The following ATP6V1C1 variants were observed in gnomAD, a reference collection of about 807,000 sequenced individuals.
The protein encoded by ATP6V1C1 is ATPase H+ transporting V1 subunit C1.
In ATP6V1C1, 45 loss-of-function variants were observed where a neutral mutation model predicts 53.9. The observed-to-expected ratio is 0.83, with a 90% CI of 0.66 to 1.07. The LOEUF is 1.07. ATP6V1C1 is among the 50% of genes least tolerant of loss of function. ATP6V1C1 has a pLI of 0.00. For synonymous variants in ATP6V1C1, 153 were observed against 155.2 expected (o/e 0.99, Z 0.11); for missense variants, 315 against 440.3 (o/e 0.72, Z 2.55).
intron 8 of ATP6V1C1, among the ~76,000 whole-genome samples, chr8:103,059,185 C>T (rs1223229607): frequency 1.3e-5 from 2 of 152,180 alleles, no homozygotes; most frequent in African/African-American, 2.4e-5. Flanking sequence ...ATACTGGCCA[C>T]TGTCCAGAAG....
At chr8:103,061,784 T>G (rs1433858322) in intron 8 of ATP6V1C1, among the ~76,000 whole-genome samples, 1 of 152,160 alleles carries the variant, frequency 6.6e-6, no homozygotes, top group Non-Finnish European at 1.5e-5. Context: ...GAGAAGAGAT[T>G]CCCCTCAGTA....
intron 1 of ATP6V1C1, among the ~76,000 whole-genome samples, chr8:103,040,288 G>A (rs1298482348): frequency 6.6e-6 from 1 of 151,788 alleles, no homozygotes; most frequent in Non-Finnish European, 1.5e-5. Context: ...ATGGTGCATG[G>A]CTGTAATCCC....
intron 8 of ATP6V1C1, among the ~76,000 whole-genome samples, chr8:103,061,181 A>G (rs1817389378): frequency 1.3e-5 from 2 of 152,184 alleles, no homozygotes; most frequent in South Asian, 4.2e-4. Context: ...AAGGGTAATC[A>G]TTTTGAGAAG....
In ATP6V1C1 at chr8:103,028,118, A is replaced by G. The variant is rs563085974; in HGVS notation, c.-40+6893A>G. ...TGAGTGTAAGTAGACATGTGGGAGA[A>G]GTAGTGGGATTATAGTAACAGGTTT... On this transcript the variant is annotated intron_variant, in intron 1 of 12. Coordinates refer to ENST00000518738, the MANE Select transcript of ATP6V1C1 (RefSeq NM_001695.5). 3.3e-5 allele frequency among the ~76,000 whole-genome samples: 5 copies of G among 152,296 alleles called. No homozygotes were observed. In the East Asian group the frequency reaches 9.6e-4, roughly 29 times the overall value.
chr8:103,042,081 A>G (rs1817010961), intron 2 of ATP6V1C1, among the ~76,000 whole-genome samples: 2 of 152,184 alleles, frequency 1.3e-5, no homozygotes, highest in Non-Finnish European at 2.9e-5. Flanking sequence ...ATCCAGTGTC[A>G]TTGAATAGTA....
At chr8:103,059,466 C>T (rs1053799572) in intron 8 of ATP6V1C1, among the ~76,000 whole-genome samples, 6 of 152,090 alleles carry the variant, frequency 3.9e-5, no homozygotes, top group Admixed American at 6.5e-5. Context: ...TGATCCAAAC[C>T]GCAAGTGTGG....
intron 8 of ATP6V1C1, among the ~76,000 whole-genome samples, chr8:103,059,530 G>GC (rs1333749947): frequency 2.9e-5 from 4 of 136,922 alleles, no homozygotes; most frequent in African/African-American, 5.5e-5. Flanking sequence ...CCCCCCACCG[G>GC]CCCCCCACCT....
intron 1 of ATP6V1C1, among the ~76,000 whole-genome samples, chr8:103,031,150 A>G (rs887180583): frequency 6.6e-6 from 1 of 152,250 alleles, no homozygotes; most frequent in African/African-American, 2.4e-5. Flanking sequence ...AAACATGAAC[A>G]TAATGAGGAA....
intron 3 of ATP6V1C1, among the ~76,000 whole-genome samples, chr8:103,046,205 A>C (rs1204944186): frequency 6.6e-6 from 1 of 151,746 alleles, no homozygotes; most frequent in African/African-American, 2.4e-5. Flanking sequence ...TCAGATTTTA[A>C]ATTTTATTTA....
chr8:103,054,076 A>C, intron 7 of ATP6V1C1, 94 bp downstream of exon 7: 1 of 966,506 alleles, frequency 1.0e-6, no homozygotes, highest in Non-Finnish European at 1.5e-6. Context: ...ATAAAATCCA[A>C]GCGTAAAAGG....
chr8:103,038,560 A>G (rs540033776), intron 1 of ATP6V1C1, among the ~76,000 whole-genome samples: 1 of 152,366 alleles, frequency 6.6e-6, no homozygotes, highest in Admixed American at 6.5e-5. Context: ...CATTGTTCAC[A>G]GCAGAATTGT....
At chr8:103,024,995 T>C (rs899020104) in intron 1 of ATP6V1C1, among the ~76,000 whole-genome samples, 5 of 152,144 alleles carry the variant, frequency 3.3e-5, no homozygotes, top group African/African-American at 1.2e-4. Context: ...AGAAGTGCTT[T>C]GGTTACATCG....
chr8:103,041,853 CAGAG>C (rs2131389396), intron 2 of ATP6V1C1, among the ~76,000 whole-genome samples: 1 of 152,206 alleles, frequency 6.6e-6, no homozygotes, highest in Admixed American at 6.5e-5. Flanking sequence ...GCCTGGGAGA[CAGAG>C]TGAGACTCCG....
intron 1 of ATP6V1C1, among the ~76,000 whole-genome samples, chr8:103,028,836 C>T (rs1239071101): frequency 6.6e-6 from 1 of 152,196 alleles, no homozygotes; most frequent in Non-Finnish European, 1.5e-5. Context: ...TTGATCACAT[C>T]TTCAGAAGTA....
chr8:103,063,277 G>C (rs1392875595), intron 10 of ATP6V1C1, 49 bp downstream of exon 10: 1 of 1,210,616 alleles, frequency 8.3e-7, no homozygotes. Flanking sequence ...AGAAGAAAAA[G>C]TGGTATTGCT....
chr8:103,029,010 A>T (rs1816745462), intron 1 of ATP6V1C1, among the ~76,000 whole-genome samples: 1 of 152,142 alleles, frequency 6.6e-6, no homozygotes, highest in South Asian at 2.1e-4. Context: ...ACATGTAATA[A>T]TTTATTATTT....
chr8:103,040,657 A>G (rs1448569890), intron 1 of ATP6V1C1, 141 bp from the exon 2 acceptor site: 4 of 651,656 alleles, frequency 6.1e-6, no homozygotes, highest in Non-Finnish European at 9.4e-6. Context: ...AGGTAGGTAA[A>G]TTTCACTTTG....
At chr8:103,042,557 G>A in intron 3 of ATP6V1C1, 150 bp downstream of exon 3, 2 of 659,962 alleles carry the variant, frequency 3.0e-6, no homozygotes, top group South Asian at 2.2e-5. Context: ...ATTTTATGAA[G>A]GTACAATTTA....
At chr8:103,023,771 G>T (rs113460183) in intron 1 of ATP6V1C1, among the ~76,000 whole-genome samples, 1 of 152,148 alleles carries the variant, frequency 6.6e-6, no homozygotes, top group Admixed American at 6.5e-5. Context: ...GGCTGAGTCC[G>T]GAGTAACTGC....
Sources: gnomAD v4.1 joint callset for allele counts (sites outside exome capture counted in the v4.1 genomes callset) on GRCh38, gnomAD v4.1.1 for gene constraint, MANE v1.5 for transcripts, NCBI Gene and HGNC (gene_info 2026-07-23, HGNC 2026-07-21) for gene names.